CACNA1B: variants seen among roughly 807,000 people sequenced by gnomAD.
The protein encoded by CACNA1B is voltage-dependent N-type calcium channel subunit alpha-1B.
In CACNA1B, 70 loss-of-function variants were observed where a neutral mutation model predicts 247.2. That is an observed-to-expected ratio of 0.28 (90% CI 0.23 to 0.35). The LOEUF is 0.35. Ranked by LOEUF, CACNA1B falls within the 10% of genes least tolerant of loss-of-function variation. The pLI, the probability that CACNA1B is intolerant of heterozygous loss-of-function variation, is 1.00. For synonymous variants in CACNA1B, 1,231 were observed against 1,294.4 expected (o/e 0.95, Z 1.05); for missense variants, 2,367 against 3,197.4 (o/e 0.74, Z 6.26).
At chr9:137,921,595 CG>C (rs1282950913) in intron 6 of CACNA1B, among the ~76,000 whole-genome samples, 1 of 144,790 alleles carries the variant, frequency 6.9e-6, no homozygotes. Context: ...ATCAACACCA[CG>C]ACCGCACAGC....
chr9:137,960,207 G>GA (rs1957997654), intron 10 of CACNA1B, among the ~76,000 whole-genome samples: 3 of 147,454 alleles, frequency 2.0e-5, no homozygotes, highest in Non-Finnish European at 3.0e-5. Context: ...AGGGGGAGGG[G>GA]GAGGGAAGGT....
rs1420989232 is a variant in CACNA1B at position 138,124,572 on chromosome 9, A to C, written c.*2573A>C. The C allele has an allele frequency of 2.0e-5, 3 of 152,236 alleles. No homozygotes were observed. Among genetic ancestry groups the C allele is most frequent in the Non-Finnish European group, 4.4e-5 (3 of 68,052 alleles). The allele number at this position is 152,236 out of a possible 1,614,324, so 9.4% of individuals were successfully genotyped here. A position where few individuals can be genotyped will look rare whatever the true frequency, so the allele number is the denominator to read the frequency against. On this transcript the variant is annotated 3_prime_UTR_variant, in exon 47 of 47. Coordinates refer to ENST00000371372, the MANE Select transcript of CACNA1B (RefSeq NM_000718.4). ...TCTACAATGACATTTTGTATGAAGC[A>C]AAGTCCTTGAATTAAAATAAAAACT... is the stretch of plus-strand genomic sequence containing the variant.
intron 3 of CACNA1B, among the ~76,000 whole-genome samples, chr9:137,909,436 G>T (rs747729375): frequency 5.3e-5 from 8 of 152,202 alleles, no homozygotes; most frequent in Non-Finnish European, 1.2e-4. Flanking sequence ...CCTCATGTAA[G>T]TGGGAGCGTA....
chr9:138,032,602 A>G, intron 20 of CACNA1B: 1 of 437,420 alleles, frequency 2.3e-6, no homozygotes, highest in Non-Finnish European at 4.5e-6. Context: ...TCATCTGAGA[A>G]TGTCTTGATT....
intron 44 of CACNA1B, among the ~76,000 whole-genome samples, chr9:138,119,348 G>A (rs1961993034): frequency 6.6e-6 from 1 of 152,114 alleles, no homozygotes; most frequent in Non-Finnish European, 1.5e-5. Context: ...GACACTGGGA[G>A]GATCGCCCCT....
At chr9:137,993,438 C>T (rs1958458866) in intron 15 of CACNA1B, among the ~76,000 whole-genome samples, 1 of 136,574 alleles carries the variant, frequency 7.3e-6, no homozygotes, top group Non-Finnish European at 1.5e-5. Context: ...AATTGATAGA[C>T]CATTGGTGAG....
rs202127193 is a variant in CACNA1B, at chr9:138,025,117, T to C, written c.3231T>C (p.Ile1077=). Residue 1077 remains isoleucine, a synonymous_variant, in exon 20 of 47, where the codon ATT becomes ATC. Coordinates refer to ENST00000371372, the MANE Select transcript of CACNA1B (RefSeq NM_000718.4). The part of the protein sequence containing the change: ...MGSQPPDPNT[I]VHIPVMLTGP... The stretch of plus-strand genomic sequence containing the variant: ...GTCAGCCCCCAGACCCGAACACTAT[T>C]GTACATATCCCAGTGATGCTGACGG... 19 of 1,613,442 alleles carry C rather than the reference T, an allele frequency of 1.2e-5. No homozygotes were observed. Among genetic ancestry groups the C allele is most frequent in the Non-Finnish European group, 1.6e-5 (19 of 1,179,700 alleles).
At chr9:138,097,748 G>A (rs1255301173) in intron 37 of CACNA1B, among the ~76,000 whole-genome samples, 2 of 152,190 alleles carry the variant, frequency 1.3e-5, no homozygotes, top group African/African-American at 4.8e-5. Context: ...ACTGGGGGAG[G>A]GCCGGCAGGA....
At chr9:138,009,147 C>T (rs899768197) in intron 16 of CACNA1B, among the ~76,000 whole-genome samples, 29 of 152,198 alleles carry the variant, frequency 1.9e-4, no homozygotes, top group Admixed American at 1.6e-3. Flanking sequence ...GACCTGGTCC[C>T]GCGAGCTTTG....
intron 31 of CACNA1B, among the ~76,000 whole-genome samples, chr9:138,065,854 CT>C (rs1293600666): frequency 2.0e-5 from 3 of 152,136 alleles, no homozygotes; most frequent in Non-Finnish European, 4.4e-5. Flanking sequence ...CCTTTCAACC[CT>C]TTACAGATTT....
chr9:138,058,216 A>G lies in CACNA1B; in HGVS notation c.4274A>G (p.Lys1425Arg). ...ATCACCTTCCAGGAGCAGGGGGACA[A>G]GGTGATGTCTGAATGCAGCCTGGAG... ...IIITFQEQGD[K>R]VMSECSLEKN... Residue 1425 changes from lysine (K) to arginine (R), a missense_variant, in exon 28 of 47, where the codon AAG (lysine) becomes AGG (arginine). Around this residue, in one of 12 missense-constraint regions of CACNA1B, gnomAD observed 436 missense variants for 679.5 expected, o/e 0.64. Coordinates refer to ENST00000371372, the MANE Select transcript of CACNA1B (RefSeq NM_000718.4). This position sits in a 1 kb window ranked among gnomAD's most constrained non-coding sequence, Gnocchi z 4.7. The G allele has an allele frequency of 6.2e-7, 1 of 1,613,998 alleles. No individual in the cohort carries two copies.
intron 3 of CACNA1B, among the ~76,000 whole-genome samples, chr9:137,896,430 A>G (rs1193537096): frequency 6.6e-6 from 1 of 152,220 alleles, no homozygotes; most frequent in Non-Finnish European, 1.5e-5. Flanking sequence ...ACAGTGGATT[A>G]CAGTGGTTGA....
chr9:138,096,418 T>TG (rs1961057765), intron 36 of CACNA1B, 66 bp from the exon 37 acceptor site: 6 of 1,373,490 alleles, frequency 4.4e-6, no homozygotes, highest in Admixed American at 1.7e-5. Flanking sequence ...TGGAGAGTGG[T>TG]GGGGGGCGGC....
intron 12 of CACNA1B, among the ~76,000 whole-genome samples, chr9:137,980,363 G>A (rs931457421): frequency 1.3e-5 from 2 of 152,230 alleles, no homozygotes; most frequent in Admixed American, 1.3e-4. Context: ...TTGACCAGAT[G>A]TGTGAGGCAC....
At position 137,881,229 on chromosome 9, in the gene CACNA1B, A is replaced by C; in HGVS notation, c.391-1515A>C. ...TCCCTCCTAAACAAATCAGACCAGA[A>C]GGCTCGAGGCCAGGAAGAGCATGGG... On this transcript the variant is annotated intron_variant, in intron 2 of 46. Coordinates refer to ENST00000371372, the MANE Select transcript of CACNA1B (RefSeq NM_000718.4). This position sits in a 1 kb window ranked among gnomAD's most constrained non-coding sequence, Gnocchi z 4.3. 6.6e-6 allele frequency among the ~76,000 whole-genome samples: 1 copy of C among 152,168 alleles called. No homozygotes were observed. Among genetic ancestry groups the C allele is most frequent in the East Asian group, 1.9e-4 (1 of 5,190 alleles).
intron 3 of CACNA1B, among the ~76,000 whole-genome samples, chr9:137,912,228 G>T (rs945681057): frequency 6.6e-6 from 1 of 152,218 alleles, no homozygotes; most frequent in Non-Finnish European, 1.5e-5. Context: ...AAGCTATTGG[G>T]TAGCTCCTAC....
chr9:138,096,006 A>G (rs1054814315), intron 36 of CACNA1B, among the ~76,000 whole-genome samples: 2 of 152,216 alleles, frequency 1.3e-5, no homozygotes, highest in Admixed American at 6.5e-5. Context: ...GGAACGACGA[A>G]AAAAGTTTTG....
chr9:138,071,411 T>C (rs1234352692), intron 32 of CACNA1B, among the ~76,000 whole-genome samples: 1 of 152,202 alleles, frequency 6.6e-6, no homozygotes, highest in Non-Finnish European at 1.5e-5. Context: ...GAGGTGATGG[T>C]GCAGGTGCAC....
chr9:138,119,691 G>A (rs931872340), intron 44 of CACNA1B, among the ~76,000 whole-genome samples: 1 of 152,080 alleles, frequency 6.6e-6, no homozygotes, highest in Non-Finnish European at 1.5e-5. Flanking sequence ...GTGGGTGGGT[G>A]CAGGCTGAGC....
Sources: allele counts gnomAD v4.1 joint callset (sites outside exome capture counted in the v4.1 genomes callset), GRCh38; gene constraint gnomAD v4.1.1; regional missense constraint gnomAD v4.1.1; non-coding constraint Gnocchi (gnomAD v3.1); transcripts MANE v1.5; gene names NCBI Gene and HGNC (gene_info 2026-07-23, HGNC 2026-07-21).